Variants in ZNF76 observed in about 807,000 individuals in gnomAD.
The protein encoded by ZNF76 is zinc finger protein 76.
Under a neutral mutation model 66.9 loss-of-function variants are expected in ZNF76, and 66 were observed. That is an observed-to-expected ratio of 0.99 (90% CI 0.81 to 1.21). The LOEUF is 1.21. ZNF76 is among the 50% of genes most tolerant of loss of function. ZNF76 has a pLI of 0.00. For missense variants in ZNF76, 729 were observed against 760.3 expected (o/e 0.96, Z 0.48); for synonymous variants, 275 against 296.1 (o/e 0.93, Z 0.73).
At chr6:35,293,632 C>T (rs1582203741) in intron 11 of ZNF76, 119 bp from the exon 12 acceptor site, 1 of 1,258,132 alleles carries the variant, frequency 7.9e-7, no homozygotes, top group Non-Finnish European at 1.1e-6. Flanking sequence ...ATCCCTTCCA[C>T]CACTATGACA....
rs749208017 is a variant in ZNF76 at position 35,292,998 on chromosome 6, A to G, written c.1283A>G (p.Asp428Gly). The G allele has an allele frequency of 6.2e-7, 1 of 1,614,114 alleles. No homozygotes were observed. The highest frequency in any genetic ancestry group is 1.1e-5 in the South Asian group (1 of 91,082). ...PAQVAMVTEE[D>G]GAPQVALITQ... ...CAGGTGGCGATGGTGACTGAAGAAG[A>G]TGGGGCCCCCCAGGTGGCTCTGATC... The change falls in exon 11 of 14, where the codon GAT becomes GGT. Residue 428 changes from aspartate (D) to glycine (G), a missense_variant. Asp to Gly is a moderately conservative substitution (Grantham distance 94, BLOSUM62 -1). Coordinates refer to ENST00000373953, the MANE Select transcript of ZNF76 (RefSeq NM_003427.5). This position sits in a 1 kb window ranked among gnomAD's most constrained non-coding sequence, Gnocchi z 4.7.
At chr6:35,261,189 A>AT (rs1252046480) in intron 1 of ZNF76, among the ~76,000 whole-genome samples, 4 of 152,236 alleles carry the variant, frequency 2.6e-5, no homozygotes, top group Non-Finnish European at 2.9e-5. Flanking sequence ...TGCCTGGCTC[A>AT]TGGGAACCCT....
At position 35,292,604 on chromosome 6, in the gene ZNF76, G is replaced by A. The variant is rs775980877; in HGVS notation, c.982G>A (p.Glu328Lys). 9.3e-6 allele frequency: 15 copies of A among 1,613,580 alleles called. No homozygotes were observed. The highest frequency in any genetic ancestry group is 4.4e-5 in the South Asian group (4 of 91,076). Reference protein sequence around the residue: ...TVPGCGKRFTEYSSLYKHHVV... With the variant: ...TVPGCGKRFTKYSSLYKHHVV... ...GCCAGGCTGCGGGAAACGCTTCACCGAGTACTCGAGCTTGTATAAGCACCA... is the reference window on the plus strand; with the variant it reads ...GCCAGGCTGCGGGAAACGCTTCACCAAGTACTCGAGCTTGTATAAGCACCA... Residue 328 changes from glutamate (E) to lysine (K), a missense_variant, in exon 10 of 14, where the codon GAG becomes AAG. Physicochemically the swap from Glu to Lys is moderately conservative, Grantham distance 56. Coordinates refer to ENST00000373953, the MANE Select transcript of ZNF76 (RefSeq NM_003427.5). The surrounding 1 kb of genome is among the most constrained non-coding windows in gnomAD (Gnocchi z 4.7).
intron 7 of ZNF76, 126 bp downstream of exon 7, chr6:35,290,842 T>A: frequency 2.3e-6 from 2 of 879,728 alleles, no homozygotes; most frequent in Non-Finnish European, 3.7e-6. Context: ...TACTCTGACT[T>A]GCAGGGTGCT....
intron 12 of ZNF76, 45 bp from the exon 13 acceptor site, chr6:35,294,411 A>C: frequency 2.4e-6 from 3 of 1,269,978 alleles, no homozygotes; most frequent in Non-Finnish European, 3.5e-6. Flanking sequence ...GTGGGGAGGG[A>C]GAGTATACTG....
chr6:35,295,063 A>G lies in ZNF76; in HGVS notation c.1609-81A>G, dbSNP rs77536413. On this transcript the variant is annotated intron_variant, in intron 13 of 13. Coordinates refer to ENST00000373953, the MANE Select transcript of ZNF76 (RefSeq NM_003427.5). ...TAGATGGGGGAGAGTCAAAAAAAAA[A>G]GTAGGCCACATATTACTAACACTGG... is the stretch of plus-strand genomic sequence containing the variant. 3.6e-6 allele frequency: 4 copies of G among 1,114,992 alleles called. No individual in the cohort carries two copies. In the South Asian group the frequency reaches 4.5e-5, roughly 12 times the overall value. The allele number at this position is 1,114,992 out of a possible 1,614,324, so 69.1% of individuals were successfully genotyped here.
intron 1 of ZNF76, among the ~76,000 whole-genome samples, chr6:35,261,058 C>G (rs1055683344): frequency 2.6e-5 from 4 of 152,182 alleles, no homozygotes; most frequent in Non-Finnish European, 5.9e-5. Flanking sequence ...CAGACTGATT[C>G]TGGCCCTTCA....
At position 35,292,692 on chromosome 6, in the gene ZNF76, C is replaced by A. The variant is rs1468213415; in HGVS notation, c.1070C>A (p.Thr357Asn). ...ACCTGCGGCAAGACCTACCGGCAGACCTCCACCTTGGCCATGCACAAGCGC... is the reference window on the plus strand; with the variant it reads ...ACCTGCGGCAAGACCTACCGGCAGAACTCCACCTTGGCCATGCACAAGCGC... ...CSTCGKTYRQ[T>N]STLAMHKRSA... The change falls in exon 10 of 14, where the codon ACC (threonine) becomes AAC (asparagine). Residue 357 changes from threonine to asparagine, a missense_variant. Transcript: ENST00000373953. The surrounding 1 kb of genome is among the most constrained non-coding windows in gnomAD (Gnocchi z 4.7). 6 of 1,614,042 alleles carry A rather than the reference C, an allele frequency of 3.7e-6. No homozygotes were observed. The highest frequency in any genetic ancestry group is 1.7e-5 in the Admixed American group (1 of 60,014).
At chr6:35,266,913 G>A (rs751910319) in intron 1 of ZNF76, among the ~76,000 whole-genome samples, 20 of 138,144 alleles carry the variant, frequency 1.4e-4, no homozygotes, top group Middle Eastern at 4.9e-3. Context: ...CCATTCTCCT[G>A]CCTCAGCCTC....
chr6:35,286,622 C>G (rs1267324977), intron 4 of ZNF76: 4 of 601,940 alleles, frequency 6.6e-6, no homozygotes, highest in Non-Finnish European at 1.2e-5. Flanking sequence ...CCTTGGAGAT[C>G]AGTGACGTGG....
chr6:35,295,742 A>C lies in ZNF76; in HGVS notation c.*494A>C. ...TACTTGGCACCAGGGACTTCCTGAC[A>C]CCACAGTCAATTAATTCCTCAGGGG... is the stretch of plus-strand genomic sequence containing the variant. On this transcript the variant is annotated 3_prime_UTR_variant, in exon 14 of 14. Coordinates refer to ENST00000373953, the MANE Select transcript of ZNF76 (RefSeq NM_003427.5). The C allele has an allele frequency of 4.8e-6, 1 of 209,698 alleles. No individual in the cohort carries two copies. Among genetic ancestry groups the C allele is most frequent in the Non-Finnish European group, 1.0e-5 (1 of 99,862 alleles). 13.0% of individuals were successfully genotyped at this position (209,698 alleles called of 1,614,324 possible). A position where few individuals can be genotyped will look rare whatever the true frequency, so the allele number is the denominator to read the frequency against.
chr6:35,281,318 C>G (rs1788739388), intron 2 of ZNF76, 94 bp downstream of exon 2: 1 of 1,197,916 alleles, frequency 8.3e-7, no homozygotes. Context: ...ACCTTGCCCT[C>G]CCGCCTGCTT....
In ZNF76 at chr6:35,287,563, A is replaced by C; in HGVS notation, c.233-83A>C. On this transcript the variant is annotated intron_variant, in intron 4 of 13. Transcript: ENST00000373953. The surrounding 1 kb of genome is among the most constrained non-coding windows in gnomAD (Gnocchi z 4.0). ...TGTTGAAACCCTCCTTGGTATATGT[A>C]TCTCTCATTAACTTAAAGCTAGGGT... The C allele has an allele frequency of 1.6e-6, 2 of 1,281,494 alleles. No homozygotes were observed. Among genetic ancestry groups the C allele is most frequent in the Non-Finnish European group, 2.2e-6 (2 of 921,752 alleles). The allele number at this position is 1,281,494 out of a possible 1,614,324, so 79.4% of individuals were successfully genotyped here. A position where few individuals can be genotyped will look rare whatever the true frequency, so the allele number is the denominator to read the frequency against.
At chr6:35,269,052 G>A (rs1156548352) in intron 1 of ZNF76, among the ~76,000 whole-genome samples, 2 of 151,746 alleles carry the variant, frequency 1.3e-5, no homozygotes, top group African/African-American at 2.4e-5. Context: ...AGGCTGAGGC[G>A]GGTGGTTCAC....
rs538848255 is a variant in ZNF76 at position 35,293,607 on chromosome 6, GT to G, written c.1330-141del. On this transcript the variant is annotated intron_variant, in intron 11 of 13. Coordinates refer to ENST00000373953, the MANE Select transcript of ZNF76 (RefSeq NM_003427.5). ...CTCTTTGCAACCTTGGACCCATTTT[GT>G]TTGCCTGTCACCCATCCCTTCCACC... The G allele has an allele frequency of 2.0e-4, 182 of 928,712 alleles. 1 individual carries two copies. In the South Asian group the frequency reaches 2.8e-3, roughly 14 times the overall value. The allele number at this position is 928,712 out of a possible 1,614,324, so 57.5% of individuals were successfully genotyped here.
chr6:35,280,319 C>T (rs971014967), intron 1 of ZNF76, among the ~76,000 whole-genome samples: 1 of 152,046 alleles, frequency 6.6e-6, no homozygotes. Flanking sequence ...TGTGATGGAG[C>T]CACTGCACTC....
intron 12 of ZNF76, 185 bp downstream of exon 12, chr6:35,294,100 G>A: frequency 1.5e-6 from 1 of 675,868 alleles, no homozygotes; most frequent in Non-Finnish European, 2.4e-6. Context: ...GTTGAATGGA[G>A]GTCAAGAGAC....
At chr6:35,262,362 C>A (rs1381708283) in intron 1 of ZNF76, among the ~76,000 whole-genome samples, 4 of 152,152 alleles carry the variant, frequency 2.6e-5, no homozygotes, top group African/African-American at 9.7e-5. Context: ...TGAGAGTGAC[C>A]TTCCTACTGC....
intron 2 of ZNF76, among the ~76,000 whole-genome samples, chr6:35,282,423 T>C (rs970195747): frequency 9.9e-5 from 15 of 152,268 alleles, no homozygotes; most frequent in Middle Eastern, 6.8e-3. Flanking sequence ...CATCCTGTAT[T>C]TTATCTGGCA....
Sources: allele counts gnomAD v4.1 joint callset (sites outside exome capture counted in the v4.1 genomes callset), GRCh38; gene constraint gnomAD v4.1.1; non-coding constraint Gnocchi (gnomAD v3.1); transcripts MANE v1.5; gene names NCBI Gene and HGNC (gene_info 2026-07-23, HGNC 2026-07-21).